The following HMG20A variants were observed in gnomAD, a reference collection of about 807,000 sequenced individuals.
HMG20A encodes the protein high mobility group 20A.
A neutral mutation model predicts 43.9 loss-of-function variants in HMG20A; 17 were observed. The observed-to-expected ratio is 0.39, with a 90% CI of 0.27 to 0.58. The LOEUF (loss-of-function observed/expected upper bound fraction) is 0.58, where lower values mean the gene tolerates loss of function less well. Among genes scored for constraint, HMG20A ranks in the 20% least tolerant of loss-of-function variants. The pLI is 0.59. For synonymous variants in HMG20A, 132 were observed against 147.5 expected, an observed-to-expected ratio of 0.89 and a Z score of 0.76; for missense variants, 341 against 438.2, an observed-to-expected ratio of 0.78 and a Z score of 1.98.
intron 1 of HMG20A, among the ~76,000 whole-genome samples, chr15:77,445,116 A>G (rs773248117): frequency 6.6e-6 from 1 of 152,336 alleles, no homozygotes; most frequent in Middle Eastern, 3.4e-3. Flanking sequence ...AATGTTCTTC[A>G]ATTTTCCTTC....
downstream of HMG20A, among the ~76,000 whole-genome samples, chr15:77,486,219 G>A (rs2072944627): frequency 6.7e-6 from 1 of 150,134 alleles, no homozygotes; most frequent in Non-Finnish European, 1.5e-5. Context: ...CTTGATAGAA[G>A]ATCATTTGAT....
chr15:77,443,379 G>GATGATGATGATGATT (rs576920554), intron 1 of HMG20A, among the ~76,000 whole-genome samples: 52 of 131,316 alleles, frequency 4.0e-4, no homozygotes, highest in African/African-American at 1.4e-3. Flanking sequence ...TGATGATGAT[G>GATGATGATGATGATT]ATTATTATTA....
the HMG20A span, among the ~76,000 whole-genome samples, chr15:77,501,414 C>T: frequency 1.3e-5 from 2 of 152,220 alleles, no homozygotes; most frequent in African/African-American, 4.8e-5. Context: ...GATTTCCTCC[C>T]TTCTTTTAAG....
intron 1 of HMG20A, among the ~76,000 whole-genome samples, chr15:77,435,065 A>C (rs2073531779): frequency 6.6e-6 from 1 of 152,182 alleles, no homozygotes. Context: ...AAGTGCATGT[A>C]AGTACAAATA....
At chr15:77,479,392 ATAC>A in intron 9 of HMG20A, 71 bp downstream of exon 9, 1 of 1,429,422 alleles carries the variant, frequency 7.0e-7, no homozygotes. Context: ...GACTTTATCA[ATAC>A]TACTAAAACC....
intron 1 of HMG20A, among the ~76,000 whole-genome samples, chr15:77,433,305 G>A (rs533923171): frequency 7.2e-6 from 1 of 139,074 alleles, no homozygotes; most frequent in East Asian, 2.1e-4. Flanking sequence ...TTGTGCCACT[G>A]CACTCCAGCC....
Position 77,478,495 on chromosome 15 carries a change from A to G in HMG20A, c.892A>G (p.Ser298Gly). 8 of 1,610,376 alleles carry G rather than the reference A, an allele frequency of 5.0e-6. No individual in the cohort carries two copies. The highest frequency in any genetic ancestry group is 6.8e-6 in the Non-Finnish European group (8 of 1,179,962). The change falls in exon 8 of 10, where the codon AGC (serine) becomes GGC (glycine). Residue 298 changes from serine (S) to glycine (G), a missense_variant. Around this residue, in one of 3 missense-constraint regions of HMG20A, gnomAD observed 118 missense variants for 154.5 expected, o/e 0.76. Coordinates refer to ENST00000336216, the MANE Select transcript of HMG20A (RefSeq NM_001304504.2). ...GCAGGTGCTGACCAGCAGCTTTGCC[A>G]GCATGCCCTTGCCTGGTAAGTCCTC... ...LRQVLTSSFA[S>G]MPLPGSGETP...
At chr15:77,446,380 C>T (rs374891568) in intron 1 of HMG20A, among the ~76,000 whole-genome samples, 1 of 151,594 alleles carries the variant, frequency 6.6e-6, no homozygotes, top group African/African-American at 2.4e-5. Context: ...TGATGCCTAA[C>T]ATAGTGACAT....
At chr15:77,516,711 C>T in the HMG20A span, among the ~76,000 whole-genome samples, 650 of 152,202 alleles carry the variant, frequency 4.3e-3, 6 homozygotes, top group African/African-American at 0.015. Context: ...GAGGGGAAGG[C>T]TAAGCTGAGA....
In HMG20A at chr15:77,470,965, A is replaced by G. The variant is rs773013786; in HGVS notation, c.506A>G (p.Gln169Arg). 3 of 1,613,208 alleles carry G rather than the reference A, an allele frequency of 1.9e-6. No homozygotes were observed. The highest frequency in any genetic ancestry group is 1.1e-5 in the South Asian group (1 of 90,968). Residue 169 changes from glutamine to arginine, a missense_variant, in exon 5 of 10, where the codon CAG becomes CGG. Transcript: ENST00000336216. Reference sequence around the variant, plus strand: ...GAGCGTTACATGAAGGAACTGGAACAGTATCAGAAAACAGAGGCCTACAAG... The same window carrying G: ...GAGCGTTACATGAAGGAACTGGAACGGTATCAGAAAACAGAGGCCTACAAG... ...DKERYMKELE[Q>R]YQKTEAYKVF...
chr15:77,424,667 C>T (rs932011473), intron 1 of HMG20A, among the ~76,000 whole-genome samples: 1 of 152,212 alleles, frequency 6.6e-6, no homozygotes, highest in Non-Finnish European at 1.5e-5. Flanking sequence ...GACTGAGCTT[C>T]AGCCTTGTCC....
chr15:77,446,209 C>G (rs2073672030), intron 1 of HMG20A, among the ~76,000 whole-genome samples: 1 of 152,016 alleles, frequency 6.6e-6, no homozygotes. Flanking sequence ...AGCTGGTTAC[C>G]TAACCCATTC....
At chr15:77,479,380 C>T (rs1454297673) in intron 9 of HMG20A, 59 bp downstream of exon 9, 1 of 1,510,694 alleles carries the variant, frequency 6.6e-7, no homozygotes, top group East Asian at 2.3e-5. Context: ...AAGATGTCAT[C>T]AGACTTTATC....
At chr15:77,448,157 G>A (rs1253483756) in intron 1 of HMG20A, among the ~76,000 whole-genome samples, 12 of 152,058 alleles carry the variant, frequency 7.9e-5, no homozygotes, top group Non-Finnish European at 5.9e-5. Context: ...TGTTGCAGTC[G>A]CTTCCCAAAT....
At chr15:77,436,763 A>T (rs749162963) in intron 1 of HMG20A, among the ~76,000 whole-genome samples, 1 of 152,076 alleles carries the variant, frequency 6.6e-6, no homozygotes, top group Admixed American at 6.6e-5. Context: ...TGGCCTCTAG[A>T]TCCATTCTTA....
chr15:77,472,985 C>T (rs145321720), intron 6 of HMG20A, among the ~76,000 whole-genome samples: 1 of 152,272 alleles, frequency 6.6e-6, no homozygotes, highest in East Asian at 1.9e-4. Flanking sequence ...TTTATGGAAT[C>T]TATTCAAAGT....
the HMG20A span, among the ~76,000 whole-genome samples, chr15:77,515,451 G>A: frequency 6.6e-6 from 1 of 151,398 alleles, no homozygotes; most frequent in Non-Finnish European, 1.5e-5. Flanking sequence ...TGTGAGACTG[G>A]CTAAGTTTTG....
chr15:77,476,902 T>C (rs1331580945), intron 6 of HMG20A, among the ~76,000 whole-genome samples: 1 of 152,232 alleles, frequency 6.6e-6, no homozygotes, highest in East Asian at 1.9e-4. Flanking sequence ...GTTATTCTTT[T>C]GTATCTCACA....
At chr15:77,487,451 TC>T (rs1426627069), downstream of HMG20A, among the ~76,000 whole-genome samples, 1 of 152,210 alleles carries the variant, frequency 6.6e-6, no homozygotes, top group Admixed American at 6.5e-5. Context: ...ACCATGTACT[TC>T]CGTGATACTT....
Sources: allele counts gnomAD v4.1 joint callset (sites outside exome capture counted in the v4.1 genomes callset), GRCh38; gene constraint gnomAD v4.1.1; regional missense constraint gnomAD v4.1.1; transcripts MANE v1.5; gene names NCBI Gene and HGNC (gene_info 2026-07-23, HGNC 2026-07-21).